Variants in PCCB observed in about 807,000 individuals in gnomAD.
PCCB encodes the protein propionyl-CoA carboxylase beta chain, mitochondrial.
PCCB carries 43 observed loss-of-function variants against 60.7 expected under a neutral mutation model. The observed-to-expected ratio is 0.71, with a 90% CI of 0.55 to 0.91. The LOEUF (loss-of-function observed/expected upper bound fraction) is 0.91, where lower values mean the gene tolerates loss of function less well. Among genes scored for constraint, PCCB ranks in the 40% least tolerant of loss-of-function variants. The probability of loss-of-function intolerance (pLI) is 0.00; values close to 1 mark genes in which losing one functional copy is unlikely to be tolerated. For missense variants in PCCB, 766 were observed against 702.8 expected, an observed-to-expected ratio of 1.09 and a Z score of -1.02; for synonymous variants, 276 against 255.9, an observed-to-expected ratio of 1.08 and a Z score of -0.75.
intron 5 of PCCB, among the ~76,000 whole-genome samples, chr3:136,278,173 T>C (rs1421942996): frequency 3.3e-5 from 5 of 152,206 alleles, no homozygotes; most frequent in African/African-American, 7.2e-5. Flanking sequence ...TATTTCTTAC[T>C]GCTCCCTAAA....
intron 10 of PCCB, among the ~76,000 whole-genome samples, chr3:136,321,405 A>G (rs948309729): frequency 6.6e-6 from 1 of 152,234 alleles, no homozygotes; most frequent in Non-Finnish European, 1.5e-5. Context: ...GTATTCTATA[A>G]AGGAAAGAGG....
chr3:136,316,815 G>T, intron 9 of PCCB, 126 bp from the exon 10 acceptor site: 1 of 1,088,190 alleles, frequency 9.2e-7, no homozygotes, highest in Non-Finnish European at 1.4e-6. Context: ...TGGAGAACCT[G>T]TGATAGAGCT....
Position 136,250,443 on chromosome 3 carries a change from C to T in PCCB, c.68C>T (p.Ala23Val). 1.2e-6 allele frequency: 2 copies of T among 1,600,422 alleles called. No homozygotes were observed. Among genetic ancestry groups the T allele is most frequent in the Non-Finnish European group, 1.7e-6 (2 of 1,173,708 alleles). The change falls in exon 1 of 15, where the codon GCC becomes GTC. Residue 23 changes from alanine (A) to valine (V), a missense_variant. Coordinates refer to ENST00000251654, the MANE Select transcript of PCCB (RefSeq NM_000532.5). ...AGCGTTCTGGCGAGCGGTCTCCGCGCCGCGGTCCGCAGCCTTTGCAGCCAG... is the reference window on the plus strand; with the variant it reads ...AGCGTTCTGGCGAGCGGTCTCCGCGTCGCGGTCCGCAGCCTTTGCAGCCAG... ...RLSVLASGLRAAVRSLCSQAT... is the reference protein window; with the variant it reads ...RLSVLASGLRVAVRSLCSQAT...
chr3:136,287,652 C>G (rs1011523144), intron 6 of PCCB, among the ~76,000 whole-genome samples: 4 of 152,162 alleles, frequency 2.6e-5, no homozygotes, highest in African/African-American at 9.7e-5. Flanking sequence ...CCAGGGTGGT[C>G]TCCAAACTCT....
intron 10 of PCCB, 22 bp downstream of exon 10, chr3:136,317,086 C>T: frequency 6.2e-7 from 1 of 1,613,832 alleles, no homozygotes; most frequent in Non-Finnish European, 8.5e-7. Context: ...CTCTTATAAG[C>T]CTTGGTTTTG....
At chr3:136,329,372 G>T (rs1935454636) in intron 14 of PCCB, among the ~76,000 whole-genome samples, 1 of 152,186 alleles carries the variant, frequency 6.6e-6, no homozygotes, top group African/African-American at 2.4e-5. Flanking sequence ...GGCTAGTCCA[G>T]GCTTCCTTAC....
chr3:136,286,371 TC>T (rs1194050148), intron 6 of PCCB, among the ~76,000 whole-genome samples: 1 of 152,178 alleles, frequency 6.6e-6, no homozygotes, highest in Non-Finnish European at 1.5e-5. Flanking sequence ...TGAAATCTGT[TC>T]CTCCAGGATT....
chr3:136,250,523 G>GGGGGCC lies in PCCB; in HGVS notation c.149_154dup (p.Gly51_Gln52insArgGly), dbSNP rs770951842. 1 of 1,612,962 alleles carries GGGGGCC rather than the reference G, an allele frequency of 6.2e-7. No homozygotes were observed. Among genetic ancestry groups the GGGGGCC allele is most frequent in the Admixed American group, 1.7e-5 (1 of 59,986 alleles). On this transcript the variant is annotated inframe_insertion, in exon 1 of 15. Transcript: ENST00000251654. ...CAAGCGCCGGACCGCGCTGCTGGGAGGGGGCCAACGCCGTATTGACGCGCA... is the reference window on the plus strand; with the variant it reads ...CAAGCGCCGGACCGCGCTGCTGGGAGGGGGCCGGGGCCAACGCCGTATTGACGCGCA...
chr3:136,255,076 A>G (rs138475581), intron 1 of PCCB, among the ~76,000 whole-genome samples: 1,748 of 150,862 alleles, frequency 0.012, 33 homozygotes, highest in East Asian at 0.048. Context: ...GGGTTTCTCC[A>G]TGTTGGTCAG....
At chr3:136,297,821 G>C (rs1482105560) in intron 7 of PCCB, 131 bp from the exon 8 acceptor site, 1 of 925,466 alleles carries the variant, frequency 1.1e-6, no homozygotes, top group African/African-American at 1.6e-5. Flanking sequence ...CCTCAGTGGA[G>C]GGTGCAGAGA....
At chr3:136,296,832 AAAG>A (rs1933961498) in intron 7 of PCCB, among the ~76,000 whole-genome samples, 1 of 152,232 alleles carries the variant, frequency 6.6e-6, no homozygotes, top group South Asian at 2.1e-4. Context: ...AAATGTAAAA[AAAG>A]AAACAAAACA....
At chr3:136,264,448 G>GTATATATATATATATATATATA (rs71157366) in intron 5 of PCCB, among the ~76,000 whole-genome samples, 3 of 107,224 alleles carry the variant, frequency 2.8e-5, no homozygotes, top group Non-Finnish European at 6.9e-5. Context: ...GTGTATATAT[G>GTATATATATATATATATATATA]TATATATATA....
intron 3 of PCCB, 152 bp from the exon 4 acceptor site, chr3:136,260,327 C>T (rs1941787190): frequency 2.8e-6 from 2 of 711,966 alleles, no homozygotes; most frequent in South Asian, 1.5e-5. Flanking sequence ...ATCCACCTGC[C>T]TTGGCCTCCC....
At position 136,255,732 on chromosome 3, in the gene PCCB, A is replaced by G. The variant is rs113644043; in HGVS notation, c.184-124A>G. 18 of 841,054 alleles carry G rather than the reference A, an allele frequency of 2.1e-5. 1 individual carries two copies. The highest frequency in any genetic ancestry group is 2.0e-4 in the African/African-American group (12 of 60,516). The allele number at this position is 841,054 out of a possible 1,614,324, so 52.1% of individuals were successfully genotyped here. Reference sequence around the variant, plus strand: ...ATCTGCCTTGGGCAGGTTGGATAGAATGAAAGTACTTGCATTGAGATCAAC... The same window carrying G: ...ATCTGCCTTGGGCAGGTTGGATAGAGTGAAAGTACTTGCATTGAGATCAAC... On this transcript the variant is annotated intron_variant, in intron 1 of 14. Coordinates refer to ENST00000251654, the MANE Select transcript of PCCB (RefSeq NM_000532.5).
intron 9 of PCCB, among the ~76,000 whole-genome samples, chr3:136,311,772 C>T (rs1351148001): frequency 6.6e-6 from 1 of 152,126 alleles, no homozygotes; most frequent in Non-Finnish European, 1.5e-5. Context: ...CCATCCTGGG[C>T]AACATAGTGA....
chr3:136,294,221 G>A (rs373655879), intron 7 of PCCB, among the ~76,000 whole-genome samples: 4 of 152,196 alleles, frequency 2.6e-5, no homozygotes, highest in Admixed American at 6.5e-5. Flanking sequence ...TTCTAAGGTT[G>A]GTATATATCT....
intron 6 of PCCB, among the ~76,000 whole-genome samples, chr3:136,287,251 C>T (rs1394255090): frequency 6.6e-6 from 1 of 151,996 alleles, no homozygotes; most frequent in South Asian, 2.1e-4. Context: ...TGTGGATTAG[C>T]GTTTCCTGTT....
At chr3:136,298,119 G>T in intron 8 of PCCB, 47 bp downstream of exon 8, 1 of 1,612,434 alleles carries the variant, frequency 6.2e-7, no homozygotes. Flanking sequence ...AGTGTAGCTT[G>T]CCTTTCTCTG....
At position 136,255,965 on chromosome 3, in the gene PCCB, A is replaced by C. The variant is rs915881293; in HGVS notation, c.293A>C (p.Asp98Ala). 1.9e-6 allele frequency: 3 copies of C among 1,614,190 alleles called. No individual in the cohort carries two copies. The highest frequency in any genetic ancestry group is 1.7e-6 in the Non-Finnish European group (2 of 1,180,010). ...HRCADFGMAA[D>A]KNKFPGDSVV... is the part of the protein sequence containing the mutation. ...TGTGCAGATTTTGGAATGGCTGCTGATAAGAATAAGGTATTTGTTCAAATG... is the reference window on the plus strand; with the variant it reads ...TGTGCAGATTTTGGAATGGCTGCTGCTAAGAATAAGGTATTTGTTCAAATG... Residue 98 changes from aspartate (D) to alanine (A), a missense_variant, in exon 2 of 15, where the codon GAT (aspartate) becomes GCT (alanine). Coordinates refer to ENST00000251654, the MANE Select transcript of PCCB (RefSeq NM_000532.5).
Sources: gnomAD v4.1 joint callset for allele counts (sites outside exome capture counted in the v4.1 genomes callset) on GRCh38, gnomAD v4.1.1 for gene constraint, MANE v1.5 for transcripts, NCBI Gene and HGNC (gene_info 2026-07-23, HGNC 2026-07-21) for gene names.